TMPRSS11E: variants seen among roughly 807,000 people sequenced by gnomAD.
TMPRSS11E encodes the protein transmembrane protease serine 11E.
In TMPRSS11E, 38 loss-of-function variants were observed where a neutral mutation model predicts 48.1. The observed-to-expected ratio is 0.79, with a 90% CI of 0.61 to 1.04. The LOEUF (loss-of-function observed/expected upper bound fraction) is 1.04. Ranked by LOEUF, TMPRSS11E falls within the 50% of genes least tolerant of loss-of-function variation. The probability of loss-of-function intolerance (pLI) is 0.00; values close to 1 mark genes in which losing one functional copy is unlikely to be tolerated. For synonymous variants in TMPRSS11E, 158 were observed against 171.9 expected, an observed-to-expected ratio of 0.92 and a Z score of 0.63; for missense variants, 530 against 510.8, an observed-to-expected ratio of 1.04 and a Z score of -0.36.
intron 8 of TMPRSS11E, among the ~76,000 whole-genome samples, chr4:68,478,203 A>T (rs2603182): frequency 0.66 from 95,285 of 144,412 alleles, 31,694 homozygotes; most frequent in East Asian, 0.86. Flanking sequence ...GTCTCCAGGC[A>T]GAAGTGCAAT....
At chr4:68,490,112 C>A (rs144260565) in intron 9 of TMPRSS11E, among the ~76,000 whole-genome samples, 137 of 152,290 alleles carry the variant, frequency 9.0e-4, no homozygotes, top group African/African-American at 2.8e-3. Context: ...TCCCCAGGAG[C>A]CTCTCCAGGC....
chr4:68,486,336 T>A (rs1018771855), intron 9 of TMPRSS11E, among the ~76,000 whole-genome samples: 5 of 152,232 alleles, frequency 3.3e-5, no homozygotes, highest in African/African-American at 1.2e-4. Context: ...TCTGGCATGT[T>A]GTATCTTTAT....
chr4:68,478,021 G>A (rs2109699608), intron 8 of TMPRSS11E, among the ~76,000 whole-genome samples: 1 of 152,218 alleles, frequency 6.6e-6, no homozygotes, highest in South Asian at 2.1e-4. Context: ...CAATGGAGTG[G>A]ACATTATTTA....
chr4:68,476,136 A>C, intron 6 of TMPRSS11E, 125 bp from the exon 7 acceptor site: 1 of 1,277,458 alleles, frequency 7.8e-7, no homozygotes, highest in Non-Finnish European at 1.1e-6. Flanking sequence ...TAAGAGCATG[A>C]GAAAACATTT....
intron 9 of TMPRSS11E, among the ~76,000 whole-genome samples, chr4:68,488,154 G>A (rs1286764946): frequency 6.6e-6 from 1 of 151,954 alleles, no homozygotes; most frequent in African/African-American, 2.4e-5. Context: ...TGGGTGTCTT[G>A]TATGTTATAT....
At chr4:68,489,201 C>T (rs997940701) in intron 9 of TMPRSS11E, among the ~76,000 whole-genome samples, 4 of 152,120 alleles carry the variant, frequency 2.6e-5, no homozygotes, top group African/African-American at 7.2e-5. Flanking sequence ...TAATTTCATT[C>T]GTTTTTGGAT....
chr4:68,479,091 GT>G, intron 9 of TMPRSS11E, 100 bp downstream of exon 9: 2 of 1,377,654 alleles, frequency 1.5e-6, no homozygotes, highest in Non-Finnish European at 2.0e-6. Flanking sequence ...GTACAGAGGA[GT>G]CACAACATCT....
rs1049777141 is a variant in TMPRSS11E, at chr4:68,497,020, G to A, written c.*216G>A. ...TCAACTCTGTCATCTGTGAGCAATA[G>A]TTGAAACTTTATGTACATAGAGAAA... On this transcript the variant is annotated 3_prime_UTR_variant, in exon 10 of 10. Transcript: ENST00000305363. 4.1e-6 allele frequency: 2 copies of A among 491,582 alleles called. No individual in the cohort carries two copies. The highest frequency in any genetic ancestry group is 3.8e-5 in the Admixed American group (1 of 26,588). The allele number at this position is 491,582 out of a possible 1,614,324, so 30.5% of individuals were successfully genotyped here. A position where few individuals can be genotyped will look rare whatever the true frequency, so the allele number is the denominator to read the frequency against.
intron 9 of TMPRSS11E, among the ~76,000 whole-genome samples, chr4:68,480,497 T>C (rs1729372736): frequency 1.3e-5 from 2 of 152,050 alleles, no homozygotes; most frequent in South Asian, 4.1e-4. Context: ...TTATATTTAC[T>C]ATTTCTTTGT....
At chr4:68,491,678 A>G (rs564619849) in intron 9 of TMPRSS11E, among the ~76,000 whole-genome samples, 3 of 152,278 alleles carry the variant, frequency 2.0e-5, no homozygotes, top group East Asian at 3.9e-4. Flanking sequence ...GTGTCACTAA[A>G]TGCTTTCATA....
In TMPRSS11E at chr4:68,477,251, T is replaced by C. The variant is rs1051377432; in HGVS notation, c.708-118T>C. On this transcript the variant is annotated intron_variant, in intron 7 of 9. Transcript: ENST00000305363. ...TATTATCAAATTGGAAAGAGTTCTA[T>C]ACATCAAAACTATAAAAAGAAAAAA... 3.7e-5 allele frequency: 38 copies of C among 1,015,074 alleles called. No homozygotes were observed. The Admixed American group carries it at 8.8e-4, about 24-fold the overall frequency. The allele number at this position is 1,015,074 out of a possible 1,614,324, so 62.9% of individuals were successfully genotyped here.
At chr4:68,455,254 C>A (rs1355693664) in intron 1 of TMPRSS11E, among the ~76,000 whole-genome samples, 1 of 151,850 alleles carries the variant, frequency 6.6e-6, no homozygotes, top group Non-Finnish European at 1.5e-5. Context: ...TTAACAAATG[C>A]TGAATTTTAA....
rs1729214627 is a variant in TMPRSS11E, at chr4:68,476,285, CTCTAGG to C, written c.557_562del (p.Leu186_Gly187del). 8.1e-6 allele frequency: 13 copies of C among 1,614,148 alleles called. No individual in the cohort carries two copies. The highest frequency in any genetic ancestry group is 1.0e-5 in the Non-Finnish European group (12 of 1,179,998). On this transcript the variant is annotated inframe_deletion, in exon 7 of 10. Coordinates refer to ENST00000305363, the MANE Select transcript of TMPRSS11E (RefSeq NM_014058.4). The stretch of plus-strand genomic sequence containing the variant: ...GGCTGCGGAACACGAAGAAGTAAAA[CTCTAGG>C]TCAGAGTCTCAGGATCGTTGGTGGG...
intron 9 of TMPRSS11E, among the ~76,000 whole-genome samples, chr4:68,487,812 G>A (rs549949336): frequency 2.0e-5 from 3 of 151,746 alleles, no homozygotes; most frequent in Admixed American, 2.0e-4. Context: ...ATGCTAATGG[G>A]CGCCTGTAAT....
intron 1 of TMPRSS11E, among the ~76,000 whole-genome samples, chr4:68,454,011 A>T (rs535792214): frequency 6.6e-6 from 1 of 152,074 alleles, no homozygotes; most frequent in East Asian, 1.9e-4. Context: ...AAGTATTCAT[A>T]TGCTGACTCT....
chr4:68,476,330 A>T lies in TMPRSS11E; in HGVS notation c.599A>T (p.Glu200Val). 1.2e-6 allele frequency: 2 copies of T among 1,614,192 alleles called. No homozygotes were observed. Among genetic ancestry groups the T allele is most frequent in the Non-Finnish European group, 1.7e-6 (2 of 1,179,996 alleles). ...LRIVGGTEVE[E>V]GEWPWQASLQ... ...ATCGTTGGTGGGACAGAAGTAGAAGAGGGTGAATGGCCCTGGCAGGCTAGC... is the reference window on the plus strand; with the variant it reads ...ATCGTTGGTGGGACAGAAGTAGAAGTGGGTGAATGGCCCTGGCAGGCTAGC... The change falls in exon 7 of 10, where the codon GAG (glutamate) becomes GTG (valine). Residue 200 changes from glutamate (E) to valine (V), a missense_variant. Glu to Val is a moderately radical substitution (Grantham distance 121). Coordinates refer to ENST00000305363, the MANE Select transcript of TMPRSS11E (RefSeq NM_014058.4).
chr4:68,489,151 T>C (rs1431030360), intron 9 of TMPRSS11E, among the ~76,000 whole-genome samples: 1 of 152,244 alleles, frequency 6.6e-6, no homozygotes, highest in East Asian at 1.9e-4. Flanking sequence ...TATTCTTTGA[T>C]GCCTTTTGTG....
chr4:68,450,482 G>A (rs1002366314), intron 1 of TMPRSS11E, among the ~76,000 whole-genome samples: 1 of 151,858 alleles, frequency 6.6e-6, no homozygotes, highest in Non-Finnish European at 1.5e-5. Context: ...TGTCTACCAT[G>A]TGTAGGAAGC....
At chr4:68,452,525 A>C (rs535626577) in intron 1 of TMPRSS11E, among the ~76,000 whole-genome samples, 1 of 151,942 alleles carries the variant, frequency 6.6e-6, no homozygotes, top group African/African-American at 2.4e-5. Context: ...AGGAAGACTG[A>C]GACTTCCAAA....
Sources: allele counts gnomAD v4.1 joint callset (sites outside exome capture counted in the v4.1 genomes callset), GRCh38; gene constraint gnomAD v4.1.1; transcripts MANE v1.5; gene names NCBI Gene and HGNC (gene_info 2026-07-23, HGNC 2026-07-21).